Variants in OSBPL1A observed in about 807,000 individuals in gnomAD.
OSBPL1A encodes oxysterol-binding protein-related protein 1.
A neutral mutation model predicts 137.1 loss-of-function variants in OSBPL1A; 80 were observed. That is an observed-to-expected ratio of 0.58 (90% CI 0.49 to 0.70). The LOEUF (loss-of-function observed/expected upper bound fraction) is 0.70, where lower values mean the gene tolerates loss of function less well. OSBPL1A is among the 30% of genes least tolerant of loss of function. The pLI, the probability that OSBPL1A is intolerant of heterozygous loss-of-function variation, is 0.00. For missense variants in OSBPL1A, 970 were observed against 1,129.4 expected, an observed-to-expected ratio of 0.86 and a Z score of 2.02; for synonymous variants, 365 against 389.7, an observed-to-expected ratio of 0.94 and a Z score of 0.75.
chr18:24,303,541 A>C, intron 14 of OSBPL1A, 96 bp downstream of exon 14: 1 of 1,025,602 alleles, frequency 9.8e-7, no homozygotes, highest in Admixed American at 2.2e-5. Flanking sequence ...TTAATTCAAA[A>C]CCAAAAACTG....
chr18:24,314,228 T>C (rs1306016797), intron 12 of OSBPL1A, 21 bp downstream of exon 12: 4 of 1,505,114 alleles, frequency 2.7e-6, no homozygotes, highest in Non-Finnish European at 3.6e-6. Flanking sequence ...TTAGGAAAGA[T>C]ACATGAATCC....
intron 11 of OSBPL1A, 91 bp downstream of exon 11, chr18:24,317,058 G>C (rs2090749663): frequency 7.6e-7 from 1 of 1,322,460 alleles, no homozygotes. Flanking sequence ...AGAACCCCAA[G>C]ATTTTACAAG....
chr18:24,352,546 A>G lies in OSBPL1A; in HGVS notation c.283-10888T>C, dbSNP rs985738286. Among the ~76,000 whole-genome samples, 47 of 152,078 alleles carry G rather than the reference A, an allele frequency of 3.1e-4. 1 individual carries two copies. On this transcript the variant is annotated intron_variant, in intron 4 of 27. Transcript: ENST00000319481. ...CATCAAGCTACCAATGCCTTTCTTC[A>G]CAGAACTGGAAAAAACTACTTTAAA... is the stretch of plus-strand genomic sequence containing the variant.
intron 14 of OSBPL1A, among the ~76,000 whole-genome samples, chr18:24,299,092 C>T (rs1035168460): frequency 5.9e-5 from 9 of 152,278 alleles, no homozygotes; most frequent in African/African-American, 2.2e-4. Context: ...TCTTTTTCCA[C>T]CCCTTTACCT....
At chr18:24,357,519 A>T (rs932944498) in intron 4 of OSBPL1A, 8 of 152,172 alleles carry the variant, frequency 5.3e-5, no homozygotes, top group Non-Finnish European at 7.3e-5. Flanking sequence ...TGGGGGAGGC[A>T]TGTAGCTTTT....
At position 24,193,633 on chromosome 18, in the gene OSBPL1A, A is replaced by G. The variant is rs1315302172; in HGVS notation, c.1677+2492T>C. Among the ~76,000 whole-genome samples, 5 of 152,302 alleles carry G rather than the reference A, an allele frequency of 3.3e-5. 1 individual carries two copies. The highest frequency in any genetic ancestry group is 9.6e-5 in the African/African-American group (4 of 41,562). On this transcript the variant is annotated intron_variant, in intron 18 of 27. Transcript: ENST00000319481. ...TACAGCAGACAGTGCCCAAAGAACA[A>G]TATTTCCAAAAGCTAGGTGATCTCC... is the stretch of plus-strand genomic sequence containing the variant.
At chr18:24,230,448 A>T (rs188777893) in intron 16 of OSBPL1A, among the ~76,000 whole-genome samples, 15 of 152,356 alleles carry the variant, frequency 9.8e-5, no homozygotes, top group Admixed American at 2.6e-4. Flanking sequence ...AACAACAAAC[A>T]AACAAAAACC....
At chr18:24,273,570 G>C (rs1319827048) in intron 15 of OSBPL1A, among the ~76,000 whole-genome samples, 1 of 152,164 alleles carries the variant, frequency 6.6e-6, no homozygotes. Context: ...TTTAGATCCA[G>C]ATTGGTCTGA....
intron 1 of OSBPL1A, among the ~76,000 whole-genome samples, chr18:24,390,003 C>A (rs1000765801): frequency 1.3e-5 from 2 of 151,880 alleles, no homozygotes; most frequent in Non-Finnish European, 2.9e-5. Flanking sequence ...CTACAGAAAT[C>A]AAAGATAATA....
intron 15 of OSBPL1A, among the ~76,000 whole-genome samples, chr18:24,250,834 G>C (rs1273067496): frequency 6.6e-6 from 1 of 152,202 alleles, no homozygotes; most frequent in Non-Finnish European, 1.5e-5. Context: ...TAGGCTCATG[G>C]ACAACAATTC....
chr18:24,312,603 G>A (rs2090638706), intron 12 of OSBPL1A, among the ~76,000 whole-genome samples: 1 of 152,060 alleles, frequency 6.6e-6, no homozygotes, highest in Non-Finnish European at 1.5e-5. Flanking sequence ...AAATAACAGT[G>A]ATTTCACAAA....
chr18:24,227,713 C>A (rs2088130928), intron 16 of OSBPL1A, among the ~76,000 whole-genome samples: 2 of 152,046 alleles, frequency 1.3e-5, no homozygotes, highest in Admixed American at 6.6e-5. Flanking sequence ...AGGAACAAGA[C>A]CTGCATCAGG....
At chr18:24,305,984 G>C (rs2090493250) in intron 13 of OSBPL1A, among the ~76,000 whole-genome samples, 1 of 152,164 alleles carries the variant, frequency 6.6e-6, no homozygotes, top group Non-Finnish European at 1.5e-5. Flanking sequence ...AAATTACCCA[G>C]TCTGGGGTAT....
chr18:24,170,193 G>C, intron 24 of OSBPL1A, 134 bp downstream of exon 24: 2 of 1,045,800 alleles, frequency 1.9e-6, no homozygotes, highest in South Asian at 1.6e-5. Context: ...TCATTAAAAA[G>C]AGAAAAGTGA....
chr18:24,288,551 T>C (rs558983453), intron 14 of OSBPL1A, among the ~76,000 whole-genome samples: 2 of 152,290 alleles, frequency 1.3e-5, no homozygotes, highest in South Asian at 2.1e-4. Flanking sequence ...GCAGATCACC[T>C]GAGGTCAGAA....
chr18:24,362,115 T>C (rs2091632101), intron 4 of OSBPL1A, among the ~76,000 whole-genome samples: 1 of 152,094 alleles, frequency 6.6e-6, no homozygotes. Context: ...TCCTTCCAGC[T>C]GCAAGATGTT....
At chr18:24,270,383 C>T (rs1383033110) in intron 15 of OSBPL1A, among the ~76,000 whole-genome samples, 2 of 152,090 alleles carry the variant, frequency 1.3e-5, no homozygotes, top group African/African-American at 2.4e-5. Flanking sequence ...TCTTTTACTT[C>T]CCCCCCATTA....
chr18:24,376,896 G>A (rs1326994585), intron 2 of OSBPL1A, among the ~76,000 whole-genome samples: 1 of 152,196 alleles, frequency 6.6e-6, no homozygotes, highest in Non-Finnish European at 1.5e-5. Flanking sequence ...CCAAGCCCAC[G>A]CCCACGCCCA....
In OSBPL1A at chr18:24,178,144, T is replaced by A. The variant is rs2145920007; in HGVS notation, c.1962A>T (p.Pro654=). The change falls in exon 21 of 28, where the codon CCA becomes CCT. Residue 654 remains proline (P), a synonymous_variant. Coordinates refer to ENST00000319481, the MANE Select transcript of OSBPL1A (RefSeq NM_080597.4). The part of the protein sequence containing the change: ...LISEQVSHHP[P]ISAFHAEGLN... ...ATCCTTCAGCATGAAATGCACTGAT[T>A]GGTGGGTGATGGCTGACCTGTTCGG... 1 of 1,612,980 alleles carries A rather than the reference T, an allele frequency of 6.2e-7. No homozygotes were observed. Among genetic ancestry groups the A allele is most frequent in the Admixed American group, 1.7e-5 (1 of 59,906 alleles).
Sources: gnomAD v4.1 joint callset for allele counts (sites outside exome capture counted in the v4.1 genomes callset) on GRCh38, gnomAD v4.1.1 for gene constraint, MANE v1.5 for transcripts, NCBI Gene and HGNC (gene_info 2026-07-23, HGNC 2026-07-21) for gene names.